Variants in SLC25A26 observed in about 807,000 individuals in gnomAD.
SLC25A26 encodes the protein solute carrier family 25 member 26, also known as mitochondrial S-adenosylmethionine carrier protein.
Under a neutral mutation model 37.8 loss-of-function variants are expected in SLC25A26, and 36 were observed. The ratio of observed to expected loss-of-function variants is 0.95; its 90% CI spans 0.73 to 1.26. The LOEUF is 1.26. Ranked by LOEUF, SLC25A26 falls within the 50% of genes most tolerant of loss-of-function variation. The pLI is 0.00. For missense variants in SLC25A26, 390 were observed against 331.1 expected, an observed-to-expected ratio of 1.18 and a Z score of -1.38; for synonymous variants, 129 against 122.5, an observed-to-expected ratio of 1.05 and a Z score of -0.35.
chr3:66,168,505 T>C (rs1047482201), intron 1 of SLC25A26, among the ~76,000 whole-genome samples: 14 of 152,212 alleles, frequency 9.2e-5, no homozygotes, highest in Non-Finnish European at 1.9e-4. Flanking sequence ...TAAGGCATTT[T>C]TAGAAAGTCT....
At chr3:66,370,842 A>G (rs541760372) in intron 9 of SLC25A26, among the ~76,000 whole-genome samples, 1 of 152,230 alleles carries the variant, frequency 6.6e-6, no homozygotes, top group Non-Finnish European at 1.5e-5. Context: ...TGAAATTCAC[A>G]TGTGTGGCTC....
intron 5 of SLC25A26, among the ~76,000 whole-genome samples, chr3:66,286,638 T>C (rs1412395921): frequency 6.6e-6 from 1 of 152,168 alleles, no homozygotes; most frequent in African/African-American, 2.4e-5. Context: ...TCTTGAAAGA[T>C]GATGTTTTGA....
intron 5 of SLC25A26, 140 bp from the exon 6 acceptor site, chr3:66,346,223 AT>A (rs2076319104): frequency 8.6e-6 from 4 of 465,624 alleles, no homozygotes; most frequent in Non-Finnish European, 1.5e-5. Context: ...TTTTCTAAAC[AT>A]TATGTCTACT....
intron 1 of SLC25A26, among the ~76,000 whole-genome samples, chr3:66,174,809 A>G (rs1021790879): frequency 3.7e-5 from 5 of 134,858 alleles, no homozygotes; most frequent in African/African-American, 1.5e-4. Context: ...GAAAAAAAAA[A>G]AAAGAAAAAA....
At chr3:66,219,840 A>G (rs948274156), upstream of SLC25A26, among the ~76,000 whole-genome samples, 3 of 152,216 alleles carry the variant, frequency 2.0e-5, no homozygotes, top group African/African-American at 7.2e-5. Flanking sequence ...ATCTATTAAT[A>G]TAATAGTACC....
intron 5 of SLC25A26, among the ~76,000 whole-genome samples, chr3:66,280,839 G>A: frequency 6.6e-6 from 1 of 151,852 alleles, no homozygotes; most frequent in East Asian, 1.9e-4. Context: ...CAGACAATTT[G>A]ACACTTATCA....
chr3:66,221,531 A>G (rs569889856), intron 1 of SLC25A26, among the ~76,000 whole-genome samples: 3 of 152,166 alleles, frequency 2.0e-5, no homozygotes, highest in Admixed American at 1.3e-4. Context: ...ATTCAATACT[A>G]CGTTTCTCAT....
chr3:66,355,003 G>A (rs1056950953), intron 6 of SLC25A26, among the ~76,000 whole-genome samples: 6 of 152,146 alleles, frequency 3.9e-5, no homozygotes, highest in African/African-American at 1.4e-4. Context: ...CTTCATCAGC[G>A]ATGTGAAAAT....
chr3:66,163,129 A>G (rs2070382455), intron 1 of SLC25A26, among the ~76,000 whole-genome samples: 1 of 152,200 alleles, frequency 6.6e-6, no homozygotes, highest in African/African-American at 2.4e-5. Flanking sequence ...CACTCTTTTA[A>G]AGAGGAAAAA....
chr3:66,227,343 C>T (rs1553661126), intron 1 of SLC25A26, among the ~76,000 whole-genome samples: 2 of 152,098 alleles, frequency 1.3e-5, no homozygotes, highest in African/African-American at 4.8e-5. Context: ...TACCACTTTT[C>T]ATTTTTTTTG....
intron 1 of SLC25A26, among the ~76,000 whole-genome samples, chr3:66,145,020 G>T (rs2070094804): frequency 6.6e-6 from 1 of 152,142 alleles, no homozygotes; most frequent in East Asian, 1.9e-4. Context: ...AGTGGTGGGT[G>T]AGTCAGAGAA....
At chr3:66,229,883 A>G (rs2106947378) in intron 1 of SLC25A26, among the ~76,000 whole-genome samples, 1 of 152,284 alleles carries the variant, frequency 6.6e-6, no homozygotes. Context: ...AACTGAATGT[A>G]CACAGTTCTT....
chr3:66,318,016 C>T (rs1403828353), intron 5 of SLC25A26, among the ~76,000 whole-genome samples: 2 of 152,178 alleles, frequency 1.3e-5, no homozygotes, highest in South Asian at 2.1e-4. Context: ...TGCCCCTTTT[C>T]CTCAGGAACT....
intron 6 of SLC25A26, among the ~76,000 whole-genome samples, chr3:66,351,184 A>G (rs79397324): frequency 0.012 from 1,854 of 152,088 alleles, 40 homozygotes; most frequent in African/African-American, 0.042. Context: ...GTGGCACCCA[A>G]CTCGTTGATA....
intron 5 of SLC25A26, among the ~76,000 whole-genome samples, chr3:66,308,685 C>A (rs1000039537): frequency 7.9e-5 from 12 of 151,790 alleles, no homozygotes; most frequent in African/African-American, 2.7e-4. Flanking sequence ...ATAACTATTC[C>A]ATATATTCCG....
chr3:66,209,090 GTATATATATATA>G (rs1212142217), intron 1 of SLC25A26, among the ~76,000 whole-genome samples: 2 of 46,358 alleles, frequency 4.3e-5, no homozygotes, highest in African/African-American at 1.3e-4. Flanking sequence ...ATATAAAGAT[GTATATATATATA>G]TATATATATA....
chr3:66,257,163 A>T (rs1441617654), intron 3 of SLC25A26, among the ~76,000 whole-genome samples: 1 of 152,172 alleles, frequency 6.6e-6, no homozygotes, highest in Non-Finnish European at 1.5e-5. Flanking sequence ...GGGAATTAAG[A>T]ATACAGAGGG....
chr3:66,135,887 A>C (rs1347845179), intron 1 of SLC25A26, among the ~76,000 whole-genome samples: 2 of 152,344 alleles, frequency 1.3e-5, no homozygotes, highest in Admixed American at 6.5e-5. Flanking sequence ...TTCACATTGG[A>C]TATTCTTTCA....
chr3:66,255,117 T>C (rs2073249188), intron 3 of SLC25A26, among the ~76,000 whole-genome samples: 1 of 152,188 alleles, frequency 6.6e-6, no homozygotes, highest in African/African-American at 2.4e-5. Context: ...AAATGTTTAG[T>C]TTTATGATTT....
Sources: gnomAD v4.1 joint callset for allele counts (sites outside exome capture counted in the v4.1 genomes callset) on GRCh38, gnomAD v4.1.1 for gene constraint, MANE v1.5 for transcripts, NCBI Gene and HGNC (gene_info 2026-07-23, HGNC 2026-07-21) for gene names.